Variants in RERE observed in about 807,000 individuals in gnomAD.
The protein encoded by RERE is arginine-glutamic acid dipeptide repeats.
In RERE, 40 loss-of-function variants were observed where a neutral mutation model predicts 146.1. That is an observed-to-expected ratio of 0.27 (90% confidence interval 0.21 to 0.36). The LOEUF (loss-of-function observed/expected upper bound fraction) is 0.36. Ranked by LOEUF, RERE falls within the 10% of genes least tolerant of loss-of-function variation. The pLI, the probability that RERE is intolerant of heterozygous loss-of-function variation, is 1.00. For synonymous variants in RERE, 1,003 were observed against 866.0 expected, an observed-to-expected ratio of 1.16 and a Z score of -2.78; for missense variants, 1,933 against 2,138.7, an observed-to-expected ratio of 0.90 and a Z score of 1.90.
At chr1:8,545,980 G>GTTTTTTTTTTTTTT (rs1480930167) in intron 6 of RERE, among the ~76,000 whole-genome samples, 3 of 75,376 alleles carry the variant, frequency 4.0e-5, no homozygotes, top group African/African-American at 1.8e-4. Context: ...ACCATACCCA[G>GTTTTTTTTTTTTTT]TCTTTTTTTT....
chr1:8,781,446 C>A (rs572528540), intron 1 of RERE, among the ~76,000 whole-genome samples: 1 of 151,856 alleles, frequency 6.6e-6, no homozygotes, highest in African/African-American at 2.4e-5. Flanking sequence ...GTTGCTTAAG[C>A]CTGGGAAGTC....
intron 1 of RERE, among the ~76,000 whole-genome samples, chr1:8,738,446 A>G (rs983185976): frequency 2.0e-5 from 3 of 151,906 alleles, no homozygotes; most frequent in African/African-American, 7.3e-5. Flanking sequence ...TCAGCCTCCC[A>G]AAGTGCTGGG....
At chr1:8,718,746 T>C (rs1461742845) in intron 1 of RERE, among the ~76,000 whole-genome samples, 2 of 152,220 alleles carry the variant, frequency 1.3e-5, no homozygotes, top group East Asian at 1.9e-4. Context: ...GTTCTCCTAA[T>C]CTAAGATTTT....
chr1:8,666,301 C>T (rs1359074805), intron 1 of RERE, among the ~76,000 whole-genome samples: 1 of 152,178 alleles, frequency 6.6e-6, no homozygotes, highest in Non-Finnish European at 1.5e-5. Flanking sequence ...ACCTCAAGTA[C>T]TTTTGCCTGT....
At chr1:8,504,505 G>A (rs1478916288) in intron 8 of RERE, among the ~76,000 whole-genome samples, 1 of 152,198 alleles carries the variant, frequency 6.6e-6, no homozygotes, top group Admixed American at 6.6e-5. Flanking sequence ...TAAATGGATG[G>A]CAGAATTAGA....
At chr1:8,487,369 A>G (rs1324440066) in intron 10 of RERE, among the ~76,000 whole-genome samples, 1 of 152,150 alleles carries the variant, frequency 6.6e-6, no homozygotes, top group African/African-American at 2.4e-5. Context: ...ACTTGGGCCC[A>G]GGAGTTCGAG....
intron 12 of RERE, among the ~76,000 whole-genome samples, chr1:8,380,182 C>T (rs908269372): frequency 1.3e-5 from 2 of 152,108 alleles, no homozygotes; most frequent in Non-Finnish European, 2.9e-5. Flanking sequence ...GGCCCTCTCT[C>T]GGGAAGTAAT....
chr1:8,539,299 C>G (rs954020756), intron 7 of RERE, among the ~76,000 whole-genome samples: 1 of 152,172 alleles, frequency 6.6e-6, no homozygotes, highest in Non-Finnish European at 1.5e-5. Context: ...ATATCAGATG[C>G]TTAAGAAATA....
At chr1:8,492,702 C>T (rs1644994022) in intron 10 of RERE, among the ~76,000 whole-genome samples, 1 of 152,130 alleles carries the variant, frequency 6.6e-6, no homozygotes, top group South Asian at 2.1e-4. Flanking sequence ...GAGTCCGAGA[C>T]CAGCCTGGGC....
chr1:8,529,622 T>A (rs564832522), intron 7 of RERE, among the ~76,000 whole-genome samples: 25 of 152,012 alleles, frequency 1.6e-4, no homozygotes, highest in Non-Finnish European at 3.4e-4. Flanking sequence ...TCTCATGGCA[T>A]CTGGAGAGCT....
rs796133984 is a variant in RERE at position 8,564,826 on chromosome 1, A to ATGTGTGTGTGTGTGTG, written c.523-7304_523-7303insCACACACACACACACA. On this transcript the variant is annotated intron_variant, in intron 4 of 22. Transcript: ENST00000400908. ...TGTGTGTGTATGTATGTGTGTGTAT[A>ATGTGTGTGTGTGTGTG]TGTGTATGTGTGTGTGTGTGTGTGT... 3.4e-3 allele frequency among the ~76,000 whole-genome samples: 403 copies of ATGTGTGTGTGTGTGTG among 117,678 alleles called. 3 individuals carry two copies. The highest frequency in any genetic ancestry group is 8.4e-3 in the East Asian group (34 of 4,034). The allele number at this position is 117,678 out of a possible 152,430, so 77.2% of individuals were successfully genotyped here. A position where few individuals can be genotyped will look rare whatever the true frequency, so the allele number is the denominator to read the frequency against.
chr1:8,464,099 A>T (rs1644563298), intron 11 of RERE, among the ~76,000 whole-genome samples: 1 of 152,226 alleles, frequency 6.6e-6, no homozygotes, highest in Admixed American at 6.5e-5. Context: ...TAAACATTTT[A>T]AAATGTTTAA....
chr1:8,369,921 C>T (rs1347208014), intron 12 of RERE, among the ~76,000 whole-genome samples: 1 of 152,116 alleles, frequency 6.6e-6, no homozygotes, highest in Non-Finnish European at 1.5e-5. Flanking sequence ...TCCCGAGTAG[C>T]TGGGACTACA....
At chr1:8,365,777 C>T in intron 13 of RERE, 35 bp downstream of exon 13, 4 of 1,610,206 alleles carry the variant, frequency 2.5e-6, no homozygotes, top group Non-Finnish European at 2.5e-6. Context: ...AACAGTCTCC[C>T]CTCCGCCCAC....
At position 8,610,559 on chromosome 1, in the gene RERE, G is replaced by A. The variant is rs139901396; in HGVS notation, c.522+4002C>T. ...GCCAAGACCGCACCATTGCACTCCA[G>A]ACGTTGCTCTGGGCGACAGAGCAAG... On this transcript the variant is annotated intron_variant, in intron 4 of 22. Transcript: ENST00000400908. 2.6e-5 allele frequency among the ~76,000 whole-genome samples: 4 copies of A among 152,142 alleles called. No individual in the cohort carries two copies. The East Asian group carries it at 7.8e-4, about 30-fold the overall frequency.
At chr1:8,635,215 T>C (rs1488901437) in intron 2 of RERE, among the ~76,000 whole-genome samples, 12 of 152,120 alleles carry the variant, frequency 7.9e-5, no homozygotes, top group Non-Finnish European at 2.9e-5. Context: ...TTTCCAATCA[T>C]CTATCTCCTT....
Position 8,360,426 on chromosome 1 carries a change from C to A in RERE, c.3081G>T (p.Gln1027His). 5.1e-6 allele frequency: 2 copies of A among 395,210 alleles called. No individual in the cohort carries two copies. The highest frequency in any genetic ancestry group is 1.1e-4 in the South Asian group (2 of 18,516). The allele number at this position is 395,210 out of a possible 1,614,324, so 24.5% of individuals were successfully genotyped here. A position where few individuals can be genotyped will look rare whatever the true frequency, so the allele number is the denominator to read the frequency against. The change falls in exon 18 of 23, where the codon CAG becomes CAT. Residue 1027 changes from glutamine (Q) to histidine (H), a missense_variant. Physicochemically the swap from Gln to His is conservative, Grantham distance 24 (BLOSUM62 0). Coordinates refer to ENST00000400908, the MANE Select transcript of RERE (RefSeq NM_001042681.2). Reference protein sequence around the residue: ...PASHPPTGLHQVAPQPPFAQH... With the variant: ...PASHPPTGLHHVAPQPPFAQH... ...GAGCAAACGGGGGTTGGGGGGCCAC[C>A]TGGTGGAGGCCTGTAGGGGGGTGGG...
At chr1:8,477,753 A>T (rs1309326186) in intron 10 of RERE, among the ~76,000 whole-genome samples, 1 of 152,200 alleles carries the variant, frequency 6.6e-6, no homozygotes, top group African/African-American at 2.4e-5. Context: ...ACTGCCCCCA[A>T]TCCAAGGGCT....
At chr1:8,753,030 G>A (rs1640569495) in intron 1 of RERE, among the ~76,000 whole-genome samples, 1 of 152,088 alleles carries the variant, frequency 6.6e-6, no homozygotes, top group Non-Finnish European at 1.5e-5. Context: ...AATTTTTAAA[G>A]GTCTGTTTAT....
Sources: gnomAD v4.1 joint callset for allele counts (sites outside exome capture counted in the v4.1 genomes callset) on GRCh38, gnomAD v4.1.1 for gene constraint, MANE v1.5 for transcripts, NCBI Gene and HGNC (gene_info 2026-07-23, HGNC 2026-07-21) for gene names.